Variants in ZFP64 observed in about 807,000 individuals in gnomAD.
ZFP64 encodes zinc finger protein 64.
A neutral mutation model predicts 51.6 loss-of-function variants in ZFP64; 14 were observed. The ratio of observed to expected loss-of-function variants is 0.27; its 90% CI spans 0.18 to 0.42. The LOEUF (loss-of-function observed/expected upper bound fraction) is 0.42, where lower values mean the gene tolerates loss of function less well. Among genes scored for constraint, ZFP64 ranks in the 10% least tolerant of loss-of-function variants. ZFP64 has a pLI of 1.00. For synonymous variants in ZFP64, 375 were observed against 361.4 expected (o/e 1.04, Z -0.43); for missense variants, 754 against 906.8 (o/e 0.83, Z 2.16).
chr20:52,090,927 CAAA>C (rs797006213), intron 7 of ZFP64, among the ~76,000 whole-genome samples: 3 of 68,076 alleles, frequency 4.4e-5, no homozygotes, highest in Admixed American at 1.8e-4. Context: ...CTGACTCTAC[CAAA>C]AAAAAAAAAA....
At chr20:52,169,227 A>C (rs990393719) in intron 2 of ZFP64, among the ~76,000 whole-genome samples, 1 of 152,224 alleles carries the variant, frequency 6.6e-6, no homozygotes, top group African/African-American at 2.4e-5. Flanking sequence ...CAACAGGGAT[A>C]TATTACAGTT....
At chr20:52,173,797 C>A (rs62215764) in intron 2 of ZFP64, among the ~76,000 whole-genome samples, 1 of 151,922 alleles carries the variant, frequency 6.6e-6, no homozygotes, top group Admixed American at 6.6e-5. Flanking sequence ...TAAAGGTGTG[C>A]GCCACCATGC....
At chr20:52,124,026 T>C (rs7273288) in intron 5 of ZFP64, among the ~76,000 whole-genome samples, 69,640 of 151,524 alleles carry the variant, frequency 0.46, 16,618 homozygotes, top group Admixed American at 0.52. Context: ...CCCGCCACCA[T>C]GCCTGACTAA....
chr20:52,118,731 G>C (rs1367739359), intron 5 of ZFP64, among the ~76,000 whole-genome samples: 1 of 152,228 alleles, frequency 6.6e-6, no homozygotes, highest in Non-Finnish European at 1.5e-5. Context: ...TAAGTAAACA[G>C]CTATAGTACA....
chr20:52,092,124 G>A (rs754504124), intron 7 of ZFP64, among the ~76,000 whole-genome samples: 1 of 152,190 alleles, frequency 6.6e-6, no homozygotes, highest in African/African-American at 2.4e-5. Flanking sequence ...AAGAATTGAG[G>A]CTACGTATAG....
chr20:52,122,553 T>C (rs952982999), intron 5 of ZFP64, among the ~76,000 whole-genome samples: 2 of 149,654 alleles, frequency 1.3e-5, no homozygotes, highest in Non-Finnish European at 3.0e-5. Context: ...GTAGCTGCCA[T>C]AGACAGTGAT....
chr20:52,135,897 G>A (rs1311435683), intron 5 of ZFP64, among the ~76,000 whole-genome samples: 2 of 151,472 alleles, frequency 1.3e-5, no homozygotes, highest in Non-Finnish European at 2.9e-5. Context: ...TCAGGAGTTC[G>A]AGACCAGCCT....
At position 52,153,066 on chromosome 20, in the gene ZFP64, A is replaced by C; in HGVS notation, c.1126T>G (p.Cys376Gly). The C allele has an allele frequency of 6.2e-7, 1 of 1,614,170 alleles. No individual in the cohort carries two copies. The highest frequency in any genetic ancestry group is 1.7e-5 in the Admixed American group (1 of 60,030). ...CTGGGCTGTTTGGTGTCGAAGCTGC[A>C]GTAGTTGCACTTGAAAGGGCGGTCG... ...CTDRPFKCNY[C>G]SFDTKQPSNL... The change falls in exon 6 of 6, where the codon TGC (cysteine) becomes GGC (glycine). Residue 376 changes from cysteine (C) to glycine (G), a missense_variant. Around this residue, in one of 3 missense-constraint regions of ZFP64, gnomAD observed 428 missense variants for 472.4 expected, o/e 0.91. Transcript: ENST00000216923. This position sits in a 1 kb window ranked among gnomAD's most constrained non-coding sequence, Gnocchi z 5.1.
chr20:52,188,619 C>CCCGGCCG (rs1984151682), intron 1 of ZFP64, among the ~76,000 whole-genome samples: 1 of 151,804 alleles, frequency 6.6e-6, no homozygotes, highest in African/African-American at 2.4e-5. Flanking sequence ...ACCCGGCCGA[C>CCCGGCCG]ATTATTTCTT....
intron 5 of ZFP64, among the ~76,000 whole-genome samples, chr20:52,104,023 C>G (rs1489956911): frequency 6.6e-6 from 1 of 152,232 alleles, no homozygotes; most frequent in Non-Finnish European, 1.5e-5. Flanking sequence ...GGGACCCATC[C>G]TCCTTTCCGC....
chr20:52,135,561 ACTGCAG>A (rs1979929837), intron 5 of ZFP64, among the ~76,000 whole-genome samples: 1 of 152,070 alleles, frequency 6.6e-6, no homozygotes, highest in Admixed American at 6.5e-5. Context: ...CTTACGGCTC[ACTGCAG>A]CATTGACGTC....
chr20:52,115,678 G>C (rs1978825854), intron 5 of ZFP64, among the ~76,000 whole-genome samples: 1 of 152,088 alleles, frequency 6.6e-6, no homozygotes, highest in African/African-American at 2.4e-5. Flanking sequence ...GCCTCCCAAA[G>C]TGCTGGGATT....
intron 5 of ZFP64, among the ~76,000 whole-genome samples, chr20:52,121,030 C>T (rs946951126): frequency 6.6e-6 from 1 of 152,158 alleles, no homozygotes; most frequent in African/African-American, 2.4e-5. Flanking sequence ...GTGCCATGAA[C>T]TGTGCCCATG....
At chr20:52,179,386 A>G (rs1487692423) in intron 2 of ZFP64, among the ~76,000 whole-genome samples, 1 of 152,220 alleles carries the variant, frequency 6.6e-6, no homozygotes, top group Non-Finnish European at 1.5e-5. Flanking sequence ...GGCACATGCC[A>G]TACACACCAT....
intron 1 of ZFP64, among the ~76,000 whole-genome samples, chr20:52,189,206 G>T (rs1303253088): frequency 6.6e-6 from 1 of 151,910 alleles, no homozygotes; most frequent in African/African-American, 2.4e-5. Context: ...GACTATCCTG[G>T]CGAACATGGT....
intron 5 of ZFP64, among the ~76,000 whole-genome samples, chr20:52,138,847 C>T (rs907836113): frequency 1.1e-4 from 17 of 152,108 alleles, no homozygotes; most frequent in Non-Finnish European, 1.5e-4. Context: ...TCACCAAATA[C>T]GTACAAAAAT....
intron 5 of ZFP64, among the ~76,000 whole-genome samples, chr20:52,107,300 A>G (rs545119284): frequency 1.3e-5 from 2 of 152,068 alleles, no homozygotes; most frequent in Non-Finnish European, 2.9e-5. Flanking sequence ...ACAATCAATT[A>G]TTGGTACATG....
At chr20:52,093,672 G>A (rs2078953875) in intron 7 of ZFP64, among the ~76,000 whole-genome samples, 1 of 152,174 alleles carries the variant, frequency 6.6e-6, no homozygotes, top group Non-Finnish European at 1.5e-5. Context: ...TATCACTTAT[G>A]CTCACTTTTG....
At chr20:52,155,146 A>C (rs1981203277) in intron 5 of ZFP64, among the ~76,000 whole-genome samples, 1 of 152,280 alleles carries the variant, frequency 6.6e-6, no homozygotes, top group African/African-American at 2.4e-5. Flanking sequence ...AATGAATTCA[A>C]GAATCAGACC....
Sources: allele counts gnomAD v4.1 joint callset (sites outside exome capture counted in the v4.1 genomes callset), GRCh38; gene constraint gnomAD v4.1.1; regional missense constraint gnomAD v4.1.1; non-coding constraint Gnocchi (gnomAD v3.1); transcripts MANE v1.5; gene names NCBI Gene and HGNC (gene_info 2026-07-23, HGNC 2026-07-21).